Variants in UQCRB observed in about 807,000 individuals in gnomAD.
UQCRB encodes the protein cytochrome b-c1 complex subunit 7.
A neutral mutation model predicts 19.8 loss-of-function variants in UQCRB; 12 were observed. That is an observed-to-expected ratio of 0.61 (90% confidence interval 0.39 to 0.98). UQCRB has a LOEUF of 0.98. Among genes scored for constraint, UQCRB ranks in the 50% least tolerant of loss-of-function variants. The probability of loss-of-function intolerance (pLI) is 0.00; values close to 1 mark genes in which losing one functional copy is unlikely to be tolerated. For missense variants in UQCRB, 142 were observed against 131.8 expected, an observed-to-expected ratio of 1.08 and a Z score of -0.38; for synonymous variants, 39 against 42.9, an observed-to-expected ratio of 0.91 and a Z score of 0.35.
Position 96,235,496 on chromosome 8 carries a change from A to AC in UQCRB, c.19+15dup. 2 of 1,614,050 alleles carry AC rather than the reference A, an allele frequency of 1.2e-6. No homozygotes were observed. Among genetic ancestry groups the AC allele is most frequent in the Non-Finnish European group, 1.7e-6 (2 of 1,180,002 alleles). On this transcript the variant is annotated intron_variant, in intron 1 of 3. Coordinates refer to ENST00000287022, the MANE Select transcript of UQCRB (RefSeq NM_006294.5). ...AAGCGCGACGATGCCGGCCAAGAAG[A>AC]CCCCCAGTTACTTACCGGCCTGCTT...
chr8:96,225,735 T>G lies in UQCRB; in HGVS notation c.*5320A>C, dbSNP rs1276958434. On this transcript the variant is annotated 3_prime_UTR_variant, in exon 4 of 4. Coordinates refer to ENST00000287022, the MANE Select transcript of UQCRB (RefSeq NM_006294.5). Reference sequence around the variant, plus strand: ...TCAGCCACATTATCAGAGGCCCTGATTCCCATCCAGGTTTAGTTAGTTTAC... The same window carrying G: ...TCAGCCACATTATCAGAGGCCCTGAGTCCCATCCAGGTTTAGTTAGTTTAC... Among the ~76,000 whole-genome samples the G allele has an allele frequency of 6.6e-6, 1 of 152,050 alleles. No individual in the cohort carries two copies. Among genetic ancestry groups the G allele is most frequent in the Non-Finnish European group, 1.5e-5 (1 of 67,996 alleles).
At chr8:96,231,272 T>C (rs1441338412) in intron 3 of UQCRB, 140 bp from the exon 4 acceptor site, 23 of 1,571,062 alleles carry the variant, frequency 1.5e-5, no homozygotes, top group Non-Finnish European at 2.0e-5. Context: ...CTAAGAACTA[T>C]CTGCTTTTTA....
At chr8:96,235,255 G>A in intron 1 of UQCRB, 1 of 601,010 alleles carries the variant, frequency 1.7e-6, no homozygotes. Flanking sequence ...ACGGGCAGCT[G>A]GAACTCCAGG....
Position 96,228,978 on chromosome 8 carries a change from T to C in UQCRB, c.*2077A>G. The C allele has an allele frequency of 2.2e-6, 1 of 454,082 alleles. No homozygotes were observed. The highest frequency in any genetic ancestry group is 1.6e-5 in the South Asian group (1 of 64,478). 28.1% of individuals were successfully genotyped at this position (454,082 alleles called of 1,614,324 possible). ...GGCCCTCTCTTTCAAATGAAAGGACTTCACTGATGGATTAACAAATTCTCA... is the reference window on the plus strand; with the variant it reads ...GGCCCTCTCTTTCAAATGAAAGGACCTCACTGATGGATTAACAAATTCTCA... On this transcript the variant is annotated 3_prime_UTR_variant, in exon 4 of 4. Coordinates refer to ENST00000287022, the MANE Select transcript of UQCRB (RefSeq NM_006294.5).
At chr8:96,231,229 T>C in intron 3 of UQCRB, 97 bp from the exon 4 acceptor site, 1 of 1,611,216 alleles carries the variant, frequency 6.2e-7, no homozygotes, top group South Asian at 1.1e-5. Context: ...CAATTACTTT[T>C]GAATTTCCAA....
rs1026571681 is a variant in UQCRB at position 96,224,002 on chromosome 8, G to C, written c.*7053C>G. Among the ~76,000 whole-genome samples, 1 of 152,160 alleles carries C rather than the reference G, an allele frequency of 6.6e-6. No individual in the cohort carries two copies. Among genetic ancestry groups the C allele is most frequent in the Non-Finnish European group, 1.5e-5 (1 of 68,022 alleles). On this transcript the variant is annotated 3_prime_UTR_variant, in exon 4 of 4. Transcript: ENST00000287022. ...GAGTCTGACTCTGGGGCATGAGTTAGCTTACCTCAAAGAAGCAAGCTTTGG... is the reference window on the plus strand; with the variant it reads ...GAGTCTGACTCTGGGGCATGAGTTACCTTACCTCAAAGAAGCAAGCTTTGG...
Position 96,229,935 on chromosome 8 carries a change from T to A in UQCRB, c.*1120A>T. 2.2e-6 allele frequency: 1 copy of A among 454,172 alleles called. No homozygotes were observed. Among genetic ancestry groups the A allele is most frequent in the Non-Finnish European group, 4.4e-6 (1 of 226,800 alleles). The allele number at this position is 454,172 out of a possible 1,614,324, so 28.1% of individuals were successfully genotyped here. On this transcript the variant is annotated 3_prime_UTR_variant, in exon 4 of 4. Transcript: ENST00000287022. ...TTTGTTATTTGAGGTAAGGCATTCC[T>A]GCCACACACAGCAATGACTTGTCCT...
intron 3 of UQCRB, 162 bp from the exon 4 acceptor site, chr8:96,231,294 C>G: frequency 6.4e-7 from 1 of 1,556,134 alleles, no homozygotes; most frequent in Non-Finnish European, 8.7e-7. Flanking sequence ...AATGTCAAAT[C>G]TGTGGTGATG....
At position 96,230,928 on chromosome 8, in the gene UQCRB, A is replaced by C; in HGVS notation, c.*127T>G. On this transcript the variant is annotated 3_prime_UTR_variant, in exon 4 of 4. Coordinates refer to ENST00000287022, the MANE Select transcript of UQCRB (RefSeq NM_006294.5). ...TTCAGTATAAGGTTTGGAATTCAAA[A>C]ACTCCAGCCATTACAATAGACATTT... The C allele has an allele frequency of 9.5e-7, 1 of 1,047,356 alleles. No homozygotes were observed. 64.9% of individuals were successfully genotyped at this position (1,047,356 alleles called of 1,614,324 possible).
chr8:96,234,676 C>G (rs537049608), intron 1 of UQCRB: 13 of 425,784 alleles, frequency 3.1e-5, no homozygotes, highest in South Asian at 2.5e-4. Context: ...AGAAAAGGAT[C>G]AACATTTTTT....
chr8:96,234,220 A>G (rs1291776369), intron 1 of UQCRB: 1 of 232,014 alleles, frequency 4.3e-6, no homozygotes, highest in East Asian at 1.2e-4. Flanking sequence ...AGAGTCATGT[A>G]TAAAACTGCT....
intron 2 of UQCRB, chr8:96,232,146 T>G (rs1437919029): frequency 1.7e-6 from 1 of 587,670 alleles, no homozygotes; most frequent in Non-Finnish European, 3.0e-6. Context: ...AAGTAATGAG[T>G]TATTACTTGA....
At chr8:96,235,157 ACT>A (rs1809777974) in intron 1 of UQCRB, 1 of 452,426 alleles carries the variant, frequency 2.2e-6, no homozygotes, top group African/African-American at 2.0e-5. Context: ...CATAGAAAGC[ACT>A]GAGCTCATTC....
rs1477956107 is a variant in UQCRB at position 96,229,855 on chromosome 8, A to G, written c.*1200T>C. ...TAAAGATGCTCTTTATGATACACACATTTCTCATTGCTTTACAAACTTTAA... is the reference window on the plus strand; with the variant it reads ...TAAAGATGCTCTTTATGATACACACGTTTCTCATTGCTTTACAAACTTTAA... On this transcript the variant is annotated 3_prime_UTR_variant, in exon 4 of 4. Transcript: ENST00000287022. 2 of 453,924 alleles carry G rather than the reference A, an allele frequency of 4.4e-6. No individual in the cohort carries two copies. Among genetic ancestry groups the G allele is most frequent in the Admixed American group, 2.4e-5 (1 of 42,550 alleles). The allele number at this position is 453,924 out of a possible 1,614,324, so 28.1% of individuals were successfully genotyped here.
intron 3 of UQCRB, 129 bp from the exon 4 acceptor site, chr8:96,231,261 C>T (rs1239643502): frequency 6.3e-7 from 1 of 1,583,760 alleles, no homozygotes; most frequent in East Asian, 2.3e-5. Flanking sequence ...ATATTCTCAA[C>T]CTAAGAACTA....
intron 2 of UQCRB, chr8:96,232,682 A>C (rs1363466532): frequency 4.3e-5 from 7 of 163,336 alleles, no homozygotes; most frequent in African/African-American, 1.4e-4. Context: ...ACATACAAAA[A>C]AAATTAGCCA....
chr8:96,232,339 G>T, intron 2 of UQCRB: 1 of 208,220 alleles, frequency 4.8e-6, no homozygotes, highest in Non-Finnish European at 9.9e-6. Flanking sequence ...TGAGATCAAG[G>T]TATTAAAGAA....
rs1320123281 is a variant in UQCRB at position 96,229,873 on chromosome 8, A to C, written c.*1182T>G. Reference sequence around the variant, plus strand: ...TACACACATTTCTCATTGCTTTACAAACTTTAAATGTAACACAAATTCGTT... The same window carrying C: ...TACACACATTTCTCATTGCTTTACACACTTTAAATGTAACACAAATTCGTT... On this transcript the variant is annotated 3_prime_UTR_variant, in exon 4 of 4. Coordinates refer to ENST00000287022, the MANE Select transcript of UQCRB (RefSeq NM_006294.5). The C allele has an allele frequency of 4.4e-6, 2 of 453,026 alleles. No individual in the cohort carries two copies. Among genetic ancestry groups the C allele is most frequent in the Non-Finnish European group, 8.8e-6 (2 of 226,438 alleles). The allele number at this position is 453,026 out of a possible 1,614,324, so 28.1% of individuals were successfully genotyped here. A position where few individuals can be genotyped will look rare whatever the true frequency, so the allele number is the denominator to read the frequency against.
Position 96,231,970 on chromosome 8 carries a change from A to G in UQCRB, c.92-30T>C, listed in dbSNP as rs752243166. The G allele has an allele frequency of 3.7e-6, 6 of 1,609,398 alleles. No individual in the cohort carries two copies. In the Admixed American group the frequency reaches 6.7e-5, roughly 18 times the overall value. ...GATAGATGACAAAGTTAGATTGCACATGCATCTCAAAAATCGCGGTTTTTT... is the reference window on the plus strand; with the variant it reads ...GATAGATGACAAAGTTAGATTGCACGTGCATCTCAAAAATCGCGGTTTTTT... On this transcript the variant is annotated intron_variant, in intron 2 of 3. Transcript: ENST00000287022.
Sources: gnomAD v4.1 joint callset for allele counts (sites outside exome capture counted in the v4.1 genomes callset) on GRCh38, gnomAD v4.1.1 for gene constraint, MANE v1.5 for transcripts, NCBI Gene and HGNC (gene_info 2026-07-23, HGNC 2026-07-21) for gene names.